Variants in ZDHHC19 observed in about 807,000 individuals in gnomAD.
ZDHHC19 encodes the protein palmitoyltransferase ZDHHC19.
ZDHHC19 carries 30 observed loss-of-function variants against 33.9 expected under a neutral mutation model. The observed-to-expected ratio is 0.88, with a 90% CI of 0.66 to 1.20. The LOEUF is 1.20. ZDHHC19 is among the 50% of genes most tolerant of loss of function. ZDHHC19 has a pLI of 0.00. For missense variants in ZDHHC19, 364 were observed against 401.1 expected (o/e 0.91, Z 0.79); for synonymous variants, 178 against 167.6 (o/e 1.06, Z -0.48).
intron 5 of ZDHHC19, 24 bp from the exon 6 acceptor site, chr3:196,198,898 G>T (rs1406919648): frequency 6.2e-7 from 1 of 1,610,164 alleles, no homozygotes; most frequent in African/African-American, 1.3e-5. Flanking sequence ...GAAACCGGAA[G>T]AGGAGCTCAG....
chr3:196,198,457 G>T lies in ZDHHC19; in HGVS notation c.774-6C>A, dbSNP rs1393067464. The T allele has an allele frequency of 6.3e-7, 1 of 1,583,976 alleles. No individual in the cohort carries two copies. The highest frequency in any genetic ancestry group is 1.2e-5 in the South Asian group (1 of 86,280). The stretch of plus-strand genomic sequence containing the variant: ...GGACAGCTTCAGCCATGTACCTGGG[G>T]AGCAGCAGGCCAGATGCAGGGGCCA... On this transcript the variant is annotated splice_region_variant and splice_polypyrimidine_tract_variant and intron_variant, in intron 6 of 7. Coordinates refer to ENST00000296326, the MANE Select transcript of ZDHHC19 (RefSeq NM_001039617.2).
At position 196,203,386 on chromosome 3, in the gene ZDHHC19, T is replaced by C. The variant is rs543326241; in HGVS notation, c.687+4012A>G. Among the ~76,000 whole-genome samples, 2 of 152,138 alleles carry C rather than the reference T, an allele frequency of 1.3e-5. No homozygotes were observed. The highest frequency in any genetic ancestry group is 2.9e-5 in the Non-Finnish European group (2 of 68,022). On this transcript the variant is annotated intron_variant, in intron 5 of 7. Coordinates refer to ENST00000296326, the MANE Select transcript of ZDHHC19 (RefSeq NM_001039617.2). The surrounding 1 kb of genome is among the most constrained non-coding windows in gnomAD (Gnocchi z 4.3). ...TCACCCATGCTGCCCATTTTACAGTTGGGGAAAGTGGACGCCTAGGTGGCT... is the reference window on the plus strand; with the variant it reads ...TCACCCATGCTGCCCATTTTACAGTCGGGGAAAGTGGACGCCTAGGTGGCT...
At chr3:196,198,235 C>G in intron 7 of ZDHHC19, 41 bp downstream of exon 7, 1 of 1,441,848 alleles carries the variant, frequency 6.9e-7, no homozygotes, top group Non-Finnish European at 9.1e-7. Flanking sequence ...ACACCCCCCT[C>G]CCGACACGCA....
At chr3:196,199,823 T>C (rs1722113948) in intron 5 of ZDHHC19, among the ~76,000 whole-genome samples, 2 of 151,732 alleles carry the variant, frequency 1.3e-5, no homozygotes, top group African/African-American at 4.9e-5. Context: ...CGGGTGCCTG[T>C]GATCCCAGCT....
At chr3:196,206,797 G>A (rs1722771759) in intron 5 of ZDHHC19, among the ~76,000 whole-genome samples, 1 of 150,990 alleles carries the variant, frequency 6.6e-6, no homozygotes, top group Admixed American at 6.6e-5. Flanking sequence ...TCCCCAGCCT[G>A]GACCTTTTTA....
chr3:196,206,186 G>C (rs1446707599), intron 5 of ZDHHC19, among the ~76,000 whole-genome samples: 1 of 151,556 alleles, frequency 6.6e-6, no homozygotes, highest in African/African-American at 2.4e-5. Context: ...CGAGTAGCTG[G>C]GACTACAGGT....
Position 196,200,606 on chromosome 3 carries a change from G to A in ZDHHC19, c.688-1732C>T, listed in dbSNP as rs540074676. On this transcript the variant is annotated intron_variant, in intron 5 of 7. Coordinates refer to ENST00000296326, the MANE Select transcript of ZDHHC19 (RefSeq NM_001039617.2). ...CCTGACCTCGTGATCCGCCCACCTTGGCCTCCCAAAGTGCTGGGATTACAA... is the reference window on the plus strand; with the variant it reads ...CCTGACCTCGTGATCCGCCCACCTTAGCCTCCCAAAGTGCTGGGATTACAA... Among the ~76,000 whole-genome samples, 721 of 148,684 alleles carry A rather than the reference G, an allele frequency of 4.8e-3. 11 individuals are homozygous for A. Among genetic ancestry groups the A allele is most frequent in the Middle Eastern group, 0.011 (3 of 274 alleles).
intron 5 of ZDHHC19, among the ~76,000 whole-genome samples, chr3:196,200,587 C>T (rs1272427042): frequency 6.6e-6 from 1 of 150,422 alleles, no homozygotes; most frequent in Non-Finnish European, 1.5e-5. Context: ...ATCTCCTGAC[C>T]TCGTGATCCG....
At position 196,198,123 on chromosome 3, in the gene ZDHHC19, GC is replaced by G. The variant is rs1442723690; in HGVS notation, c.*19+152del. On this transcript the variant is annotated intron_variant, in intron 7 of 7. Transcript: ENST00000296326. Reference sequence around the variant, plus strand: ...TAGAGGCCTGGGCCCTGCTTCCAACGCCCCTCCAGTGTAGAACCCTCCTCCC... The same window carrying G: ...TAGAGGCCTGGGCCCTGCTTCCAACGCCCTCCAGTGTAGAACCCTCCTCCC... Among the ~76,000 whole-genome samples the G allele has an allele frequency of 5.3e-5, 8 of 151,916 alleles. No individual in the cohort carries two copies. In the East Asian group the frequency reaches 1.5e-3, roughly 29 times the overall value.
At chr3:196,198,719 G>T in intron 6 of ZDHHC19, 70 bp downstream of exon 6, 1 of 1,607,406 alleles carries the variant, frequency 6.2e-7, no homozygotes, top group South Asian at 1.1e-5. Context: ...CTGTGGTAAG[G>T]AGCCAGGGTG....
intron 5 of ZDHHC19, 57 bp from the exon 6 acceptor site, chr3:196,198,931 A>AG: frequency 6.4e-7 from 1 of 1,563,928 alleles, no homozygotes; most frequent in Non-Finnish European, 8.8e-7. Context: ...TGGCTGGGCC[A>AG]TCGCCCAGTG....
intron 2 of ZDHHC19, 54 bp from the exon 3 acceptor site, chr3:196,209,569 C>T (rs1188725896): frequency 8.2e-6 from 13 of 1,583,628 alleles, no homozygotes; most frequent in East Asian, 6.8e-5. Context: ...CACCCCGCGG[C>T]GGGGGCAGCT....
At position 196,203,325 on chromosome 3, in the gene ZDHHC19, A is replaced by T. The variant is rs1441977717; in HGVS notation, c.687+4073T>A. On this transcript the variant is annotated intron_variant, in intron 5 of 7. Transcript: ENST00000296326. This position sits in a 1 kb window ranked among gnomAD's most constrained non-coding sequence, Gnocchi z 4.3. ...TATTAATAGTAGCGACATCTAGAGC[A>T]CTCACTTGTACCAGCTGCTACTCTA... Among the ~76,000 whole-genome samples, 1 of 152,186 alleles carries T rather than the reference A, an allele frequency of 6.6e-6. No homozygotes were observed.
chr3:196,202,176 T>C (rs182902071), intron 5 of ZDHHC19, among the ~76,000 whole-genome samples: 2 of 152,090 alleles, frequency 1.3e-5, no homozygotes, highest in Admixed American at 1.3e-4. Flanking sequence ...AAATTTTTAG[T>C]AGGGTGTGGT....
At position 196,198,477 on chromosome 3, in the gene ZDHHC19, G is replaced by C. The variant is rs371091909; in HGVS notation, c.774-26C>G. On this transcript the variant is annotated intron_variant, in intron 6 of 7. Transcript: ENST00000296326. ...CTGGGGAGCAGCAGGCCAGATGCAG[G>C]GGCCACCGTCCTCCCTGGTCCGGCT... is the stretch of plus-strand genomic sequence containing the variant. The C allele has an allele frequency of 2.1e-5, 33 of 1,594,106 alleles. No individual in the cohort carries two copies. The African/African-American group carries it at 4.2e-4, about 20-fold the overall frequency.
In ZDHHC19 at chr3:196,199,813, C is replaced by CT. The variant is rs1560129329; in HGVS notation, c.688-940_688-939insA. Reference sequence around the variant, plus strand: ...ACAAAAAATTAGCCAGGCGTGGTGGCGGGTGCCTGTGATCCCAGCTACTCG... The same window carrying CT: ...ACAAAAAATTAGCCAGGCGTGGTGGCTGGGTGCCTGTGATCCCAGCTACTCG... On this transcript the variant is annotated intron_variant, in intron 5 of 7. Coordinates refer to ENST00000296326, the MANE Select transcript of ZDHHC19 (RefSeq NM_001039617.2). Among the ~76,000 whole-genome samples, 14 of 151,506 alleles carry CT rather than the reference C, an allele frequency of 9.2e-5. 1 individual carries two copies. The highest frequency in any genetic ancestry group is 3.4e-4 in the African/African-American group (14 of 40,996).
In ZDHHC19 at chr3:196,200,653, C is replaced by CTT. The variant is rs71621224; in HGVS notation, c.688-1781_688-1780dup. On this transcript the variant is annotated intron_variant, in intron 5 of 7. Transcript: ENST00000296326. The stretch of plus-strand genomic sequence containing the variant: ...ACAAGCGTGAGCCACCACGCCTGGC[C>CTT]TTTTTTTTTTTTTTTTTTAGACGCA... Among the ~76,000 whole-genome samples the CTT allele has an allele frequency of 7.5e-4, 97 of 129,818 alleles. 1 individual carries two copies. In the Middle Eastern group the frequency reaches 0.043, roughly 58 times the overall value. The allele number at this position is 129,818 out of a possible 152,430, so 85.2% of individuals were successfully genotyped here.
At position 196,207,522 on chromosome 3, in the gene ZDHHC19, C is replaced by A. The variant is rs776329040; in HGVS notation, c.582-19G>T. ...CACGATGCTGCGCGGGTTAAGGAAC[C>A]GGGCTGCGGGACCCCCACGCCTGGC... is the stretch of plus-strand genomic sequence containing the variant. On this transcript the variant is annotated intron_variant, in intron 4 of 7. Transcript: ENST00000296326. 21 of 1,530,302 alleles carry A rather than the reference C, an allele frequency of 1.4e-5. No individual in the cohort carries two copies. The highest frequency in any genetic ancestry group is 7.1e-5 in the African/African-American group (5 of 70,650). 94.8% of individuals were successfully genotyped at this position (1,530,302 alleles called of 1,614,324 possible).
intron 2 of ZDHHC19, 99 bp from the exon 3 acceptor site, chr3:196,209,614 C>A: frequency 2.0e-6 from 3 of 1,476,290 alleles, no homozygotes; most frequent in Non-Finnish European, 1.8e-6. Flanking sequence ...AGGGTGGGGA[C>A]AAGGTGGGCA....
Sources: allele counts gnomAD v4.1 joint callset (sites outside exome capture counted in the v4.1 genomes callset), GRCh38; gene constraint gnomAD v4.1.1; non-coding constraint Gnocchi (gnomAD v3.1); transcripts MANE v1.5; gene names NCBI Gene and HGNC (gene_info 2026-07-23, HGNC 2026-07-21).